Variants in TMTC1 observed in about 807,000 individuals in gnomAD.
The protein encoded by TMTC1 is transmembrane O-mannosyltransferase targeting cadherins 1, also known as protein O-mannosyl-transferase TMTC1.
Under a neutral mutation model 104.8 loss-of-function variants are expected in TMTC1, and 73 were observed. The observed-to-expected ratio is 0.70, with a 90% confidence interval of 0.58 to 0.85. The LOEUF is 0.85. Ranked by LOEUF, TMTC1 falls within the 40% of genes least tolerant of loss-of-function variation. TMTC1 has a pLI of 0.00. For synonymous variants in TMTC1, 434 were observed against 428.7 expected (o/e 1.01, Z -0.15); for missense variants, 1,035 against 1,096.1 (o/e 0.94, Z 0.79).
intron 5 of TMTC1, among the ~76,000 whole-genome samples, chr12:29,665,745 A>G (rs1940252267): frequency 6.6e-6 from 1 of 152,128 alleles, no homozygotes; most frequent in Non-Finnish European, 1.5e-5. Flanking sequence ...GAATCCCGCT[A>G]AATCAGTTTA....
intron 5 of TMTC1, among the ~76,000 whole-genome samples, chr12:29,706,675 GACATCCATAAAA>G (rs1281349496): frequency 6.6e-6 from 1 of 152,170 alleles, no homozygotes; most frequent in Admixed American, 6.5e-5. Flanking sequence ...CTTGGGAACA[GACATCCATAAAA>G]ACAATTATTT....
chr12:29,619,837 C>A (rs1413275491), intron 6 of TMTC1, among the ~76,000 whole-genome samples: 1 of 152,110 alleles, frequency 6.6e-6, no homozygotes, highest in Non-Finnish European at 1.5e-5. Flanking sequence ...ACTACCTTCC[C>A]GAACTATGCT....
rs917078382 is a variant in TMTC1, at chr12:29,775,264, T to C, written c.303-7189A>G. On this transcript the variant is annotated intron_variant, in intron 1 of 17. Transcript: ENST00000539277. ...GTTTGGTGTTTGGTGGAGTGCCTGA[T>C]TGTAATGCAGTTCTGACATCAACTT... is the stretch of plus-strand genomic sequence containing the variant. 3.3e-4 allele frequency among the ~76,000 whole-genome samples: 50 copies of C among 152,102 alleles called. 1 individual carries two copies. The highest frequency in any genetic ancestry group is 8.0e-4 in the African/African-American group (33 of 41,420).
At chr12:29,520,139 T>C (rs1438941297) in intron 12 of TMTC1, among the ~76,000 whole-genome samples, 1 of 152,234 alleles carries the variant, frequency 6.6e-6, no homozygotes, top group Non-Finnish European at 1.5e-5. Context: ...ATAGCACCTG[T>C]CATATAAGAG....
intron 11 of TMTC1, among the ~76,000 whole-genome samples, chr12:29,531,980 C>T (rs1233835431): frequency 1.3e-5 from 2 of 152,086 alleles, no homozygotes; most frequent in African/African-American, 4.8e-5. Flanking sequence ...TAGTCAAGGT[C>T]CTGCTGCAAG....
intron 10 of TMTC1, among the ~76,000 whole-genome samples, chr12:29,537,097 G>A (rs999511881): frequency 6.6e-6 from 1 of 152,126 alleles, no homozygotes; most frequent in African/African-American, 2.4e-5. Context: ...AAAATGTACA[G>A]TATTGGAAGT....
intron 5 of TMTC1, 90 bp downstream of exon 5, chr12:29,751,576 T>A: frequency 7.3e-7 from 1 of 1,360,808 alleles, no homozygotes; most frequent in Admixed American, 1.7e-5. Flanking sequence ...GTGTGCTGAC[T>A]CAGTGCTTCA....
At chr12:29,702,872 C>T (rs1241594682) in intron 5 of TMTC1, among the ~76,000 whole-genome samples, 5 of 152,144 alleles carry the variant, frequency 3.3e-5, no homozygotes, top group South Asian at 2.1e-4. Flanking sequence ...AGGCCAGGCA[C>T]GGTGGCTCAT....
intron 7 of TMTC1, among the ~76,000 whole-genome samples, chr12:29,588,055 A>T (rs1946186046): frequency 6.6e-6 from 1 of 152,144 alleles, no homozygotes; most frequent in Non-Finnish European, 1.5e-5. Context: ...TTCAAGTCCT[A>T]TAAGTTGGTT....
intron 5 of TMTC1, among the ~76,000 whole-genome samples, chr12:29,675,099 C>A (rs2136694628): frequency 6.6e-6 from 1 of 152,282 alleles, no homozygotes; most frequent in South Asian, 2.1e-4. Flanking sequence ...TGTCTTAATT[C>A]AGCTAAGTTT....
At chr12:29,560,851 A>G (rs299486) in intron 9 of TMTC1, among the ~76,000 whole-genome samples, 148,962 of 152,240 alleles carry the variant, frequency 0.98, 72,904 homozygotes, top group East Asian at 1. Context: ...GTTAATAGGA[A>G]AAAGTCCCTG....
Position 29,506,105 on chromosome 12 carries a change from C to T in TMTC1, c.*741G>A, listed in dbSNP as rs1334083306. 6.6e-6 allele frequency: 1 copy of T among 151,916 alleles called. No homozygotes were observed. Among genetic ancestry groups the T allele is most frequent in the Non-Finnish European group, 1.5e-5 (1 of 67,980 alleles). 9.4% of individuals were successfully genotyped at this position (151,916 alleles called of 1,614,324 possible). A position where few individuals can be genotyped will look rare whatever the true frequency, so the allele number is the denominator to read the frequency against. ...GCACTTTTGAAATCTTAGAGTAGAA[C>T]CACCACTCTAGTAATACTTGTAATA... On this transcript the variant is annotated 3_prime_UTR_variant, in exon 18 of 18. Transcript: ENST00000539277.
intron 5 of TMTC1, among the ~76,000 whole-genome samples, chr12:29,657,872 G>A (rs1286013129): frequency 6.6e-6 from 1 of 152,168 alleles, no homozygotes; most frequent in East Asian, 1.9e-4. Context: ...TGGAGAGGCT[G>A]AGGCAGGTGG....
At chr12:29,781,197 A>C (rs978326533) in intron 1 of TMTC1, among the ~76,000 whole-genome samples, 2 of 152,218 alleles carry the variant, frequency 1.3e-5, no homozygotes, top group African/African-American at 4.8e-5. Context: ...AGACTACTTA[A>C]CATTCTCTTT....
At chr12:29,507,016 T>A in intron 17 of TMTC1, 30 bp from the exon 18 acceptor site, 1 of 1,599,910 alleles carries the variant, frequency 6.3e-7, no homozygotes, top group East Asian at 2.2e-5. Context: ...AGCAATTACA[T>A]TCTGATCCAT....
chr12:29,660,991 A>C, intron 5 of TMTC1: 3 of 497,290 alleles, frequency 6.0e-6, no homozygotes, highest in Non-Finnish European at 9.1e-6. Context: ...GCAGAGAACA[A>C]TGCTGAGAGC....
chr12:29,601,839 T>TC (rs1491154214), intron 7 of TMTC1, among the ~76,000 whole-genome samples: 1 of 119,308 alleles, frequency 8.4e-6, no homozygotes, highest in African/African-American at 3.8e-5. Flanking sequence ...TAATCATCTC[T>TC]TTTTTTTTTT....
chr12:29,608,803 GA>G (rs1301935948), intron 6 of TMTC1, among the ~76,000 whole-genome samples: 1 of 152,150 alleles, frequency 6.6e-6, no homozygotes, highest in African/African-American at 2.4e-5. Flanking sequence ...GCAGCTAAGG[GA>G]AGAGCAGGGC....
chr12:29,626,011 T>C (rs78501135), intron 6 of TMTC1, among the ~76,000 whole-genome samples: 12,431 of 152,276 alleles, frequency 0.082, 733 homozygotes, highest in South Asian at 0.12. Context: ...AGCCTTTAGA[T>C]ATATGTCTTA....
Sources: allele counts gnomAD v4.1 joint callset (sites outside exome capture counted in the v4.1 genomes callset), GRCh38; gene constraint gnomAD v4.1.1; transcripts MANE v1.5; gene names NCBI Gene and HGNC (gene_info 2026-07-23, HGNC 2026-07-21).